DGUOK: variants seen among roughly 807,000 people sequenced by gnomAD.
DGUOK encodes deoxyguanosine kinase, also known as deoxyguanosine kinase, mitochondrial.
In DGUOK, 30 loss-of-function variants were observed where a neutral mutation model predicts 36.6. The observed-to-expected ratio is 0.82, with a 90% confidence interval of 0.61 to 1.11. DGUOK has a LOEUF of 1.11. DGUOK is among the 50% of genes most tolerant of loss of function. The probability of loss-of-function intolerance (pLI) is 0.00; values close to 1 mark genes in which losing one functional copy is unlikely to be tolerated. For missense variants in DGUOK, 361 were observed against 336.4 expected (o/e 1.07, Z -0.57); for synonymous variants, 145 against 126.3 (o/e 1.15, Z -0.99).
chr2:73,950,527 C>T (rs1682630917), intron 3 of DGUOK, 58 bp from the exon 4 acceptor site: 3 of 1,576,070 alleles, frequency 1.9e-6, no homozygotes, highest in Non-Finnish European at 1.7e-6. Flanking sequence ...CTCTCTCGTG[C>T]CTTTCATTCC....
chr2:73,954,944 A>AT (rs973656945), intron 4 of DGUOK, among the ~76,000 whole-genome samples: 22 of 152,280 alleles, frequency 1.4e-4, no homozygotes, highest in Non-Finnish European at 1.3e-4. Context: ...TTTGCACGGG[A>AT]TTTTTTTAAA....
In DGUOK at chr2:73,927,020, G is replaced by A; in HGVS notation, c.110G>A (p.Gly37Glu). ...SSSRGLHAGR[G>E]PRRLSIEGNI... ...TCCAGAGGCCTGCACGCGGGGCGCG[G>A]GCCCCGAAGGCTCTCCATCGAAGGC... Residue 37 changes from glycine to glutamate, a missense_variant, in exon 1 of 7, where the codon GGG becomes GAG. Gly to Glu is a moderately conservative substitution (Grantham distance 98, BLOSUM62 -2). Transcript: ENST00000264093. 6.2e-7 allele frequency: 1 copy of A among 1,610,622 alleles called. No homozygotes were observed.
At chr2:73,953,863 C>T (rs953759780) in intron 4 of DGUOK, among the ~76,000 whole-genome samples, 5 of 151,746 alleles carry the variant, frequency 3.3e-5, no homozygotes, top group African/African-American at 1.2e-4. Context: ...GGACTACAGG[C>T]ACCCGCCACC....
rs186830988 is a variant in DGUOK, at chr2:73,927,858, A to T, written c.142+806A>T. On this transcript the variant is annotated intron_variant, in intron 1 of 6. Transcript: ENST00000264093. ...ACTGAGCCCCTAAAAGGGGCTTAGC[A>T]AGTGTTGAGTACTGAAGACGTAGCA... Among the ~76,000 whole-genome samples, 11 of 152,334 alleles carry T rather than the reference A, an allele frequency of 7.2e-5. No individual in the cohort carries two copies. The East Asian group carries it at 1.2e-3, about 16-fold the overall frequency.
rs190470917 is a variant in DGUOK, at chr2:73,954,248, G to A, written c.592-2877G>A. Among the ~76,000 whole-genome samples the A allele has an allele frequency of 2.0e-5, 3 of 152,288 alleles. No individual in the cohort carries two copies. The East Asian group carries it at 5.8e-4, about 30-fold the overall frequency. Reference sequence around the variant, plus strand: ...ATTCCCAGCTACTCAGCAGGCTGAGGTGGGATATCACTTGAGCCTGGGAGA... The same window carrying A: ...ATTCCCAGCTACTCAGCAGGCTGAGATGGGATATCACTTGAGCCTGGGAGA... On this transcript the variant is annotated intron_variant, in intron 4 of 6. Transcript: ENST00000264093.
rs2104944559 is a variant in DGUOK, at chr2:73,946,782, T to C, written c.319T>C (p.Ser107Pro). ...DMMYREPARW[S>P]YTFQTFSFLS... is the part of the protein sequence containing the mutation. Reference sequence around the variant, plus strand: ...GATGTACCGGGAGCCAGCACGATGGTCCTACACATTCCAGACATTTTCCTT... The same window carrying C: ...GATGTACCGGGAGCCAGCACGATGGCCCTACACATTCCAGACATTTTCCTT... Residue 107 changes from serine (S) to proline (P), a missense_variant, in exon 3 of 7, where the codon TCC (serine) becomes CCC (proline). Physicochemically the swap from Ser to Pro is moderately conservative, Grantham distance 74 (BLOSUM62 -1). Transcript: ENST00000264093. 3 of 1,614,112 alleles carry C rather than the reference T, an allele frequency of 1.9e-6. No individual in the cohort carries two copies. The highest frequency in any genetic ancestry group is 2.5e-6 in the Non-Finnish European group (3 of 1,180,024).
At chr2:73,932,728 T>C in intron 1 of DGUOK, 1 of 1,071,308 alleles carries the variant, frequency 9.3e-7, no homozygotes, top group Non-Finnish European at 1.2e-6. Flanking sequence ...CTCTAAGTCC[T>C]ATTATTCTGA....
At chr2:73,931,009 G>T (rs920365726) in intron 1 of DGUOK, among the ~76,000 whole-genome samples, 1 of 151,870 alleles carries the variant, frequency 6.6e-6, no homozygotes, top group Non-Finnish European at 1.5e-5. Context: ...TGTTAGCCAG[G>T]ATGGTCTCAA....
At chr2:73,929,608 A>G (rs145701310) in intron 1 of DGUOK, among the ~76,000 whole-genome samples, 2 of 152,338 alleles carry the variant, frequency 1.3e-5, no homozygotes, top group Non-Finnish European at 1.5e-5. Context: ...GGAAGGAATA[A>G]GCAGAGACTG....
chr2:73,938,146 C>T (rs1014723030), intron 1 of DGUOK, among the ~76,000 whole-genome samples: 2 of 152,180 alleles, frequency 1.3e-5, no homozygotes, highest in Non-Finnish European at 2.9e-5. Context: ...TACTGTATGG[C>T]TTCTTCTAGG....
intron 2 of DGUOK, among the ~76,000 whole-genome samples, chr2:73,942,011 C>T (rs973066911): frequency 9.2e-5 from 14 of 151,548 alleles, no homozygotes; most frequent in Middle Eastern, 3.2e-3. Context: ...CGAGTTCAAG[C>T]AGTTCTCCCT....
chr2:73,928,547 G>C (rs1680781399), intron 1 of DGUOK, among the ~76,000 whole-genome samples: 1 of 152,240 alleles, frequency 6.6e-6, no homozygotes, highest in African/African-American at 2.4e-5. Flanking sequence ...TCTAGGCAGA[G>C]TGAAGAGCAA....
At position 73,957,170 on chromosome 2, in the gene DGUOK, G is replaced by T; in HGVS notation, c.637G>T (p.Gly213Ter). Reference protein sequence around the residue: ...LYQRAREEEKGIELAYLEQLH... With the variant: ...LYQRAREEEK ...CCAGAGGGCCAGGGAGGAGGAGAAA[G>T]GAATTGAGCTGGCCTATCTAGAGCA... Residue 213 changes from glycine (G) to a stop codon, truncating the protein, a stop_gained, in exon 5 of 7, where the codon GGA (glycine) becomes TGA (stop). Transcript: ENST00000264093. LOFTEE classifies it high-confidence loss of function. 1 of 1,614,182 alleles carries T rather than the reference G, an allele frequency of 6.2e-7. No homozygotes were observed. Among genetic ancestry groups the T allele is most frequent in the Non-Finnish European group, 8.5e-7 (1 of 1,180,026 alleles).
rs144907403 is a variant in DGUOK, at chr2:73,938,943, C to T, written c.176C>T (p.Thr59Met). The T allele has an allele frequency of 2.9e-5, 46 of 1,613,952 alleles. No homozygotes were observed. Among genetic ancestry groups the T allele is most frequent in the South Asian group, 5.5e-5 (5 of 91,080 alleles). Residue 59 changes from threonine to methionine, a missense_variant, in exon 2 of 7, where the codon ACG becomes ATG. Coordinates refer to ENST00000264093, the MANE Select transcript of DGUOK (RefSeq NM_080916.3). ...VGKSTFVKLL[T>M]KTYPEWHVAT... The stretch of plus-strand genomic sequence containing the variant: ...AAGTCCACGTTTGTGAAGTTACTCA[C>T]GAAAACTTACCCAGAATGGCACGTA...
At chr2:73,941,487 A>C (rs1681899347) in intron 2 of DGUOK, among the ~76,000 whole-genome samples, 1 of 152,230 alleles carries the variant, frequency 6.6e-6, no homozygotes, top group Non-Finnish European at 1.5e-5. Flanking sequence ...ATTTACATAT[A>C]CTTACATAAA....
At chr2:73,952,704 G>A (rs1250387058) in intron 4 of DGUOK, among the ~76,000 whole-genome samples, 1 of 152,192 alleles carries the variant, frequency 6.6e-6, no homozygotes, top group Non-Finnish European at 1.5e-5. Flanking sequence ...CATTGGGGAG[G>A]AGTGAGAGAG....
rs777456348 is a variant in DGUOK, at chr2:73,938,995, GAAT to G, written c.230_232del (p.Asn77del). 6.2e-6 allele frequency: 10 copies of G among 1,613,988 alleles called. No homozygotes were observed. Among genetic ancestry groups the G allele is most frequent in the Non-Finnish European group, 8.5e-6 (10 of 1,179,876 alleles). The stretch of plus-strand genomic sequence containing the variant: ...CTACAGAACCTGTAGCAACATGGCA[GAAT>G]ATCCAGGCTGCTGGCACCCAAAAAG... On this transcript the variant is annotated inframe_deletion, in exon 2 of 7. Coordinates refer to ENST00000264093, the MANE Select transcript of DGUOK (RefSeq NM_080916.3).
In DGUOK at chr2:73,950,860, G is replaced by T; in HGVS notation, c.591+128G>T. 2.4e-6 allele frequency: 3 copies of T among 1,267,962 alleles called. No individual in the cohort carries two copies. In the South Asian group the frequency reaches 3.6e-5, roughly 15 times the overall value. 78.5% of individuals were successfully genotyped at this position (1,267,962 alleles called of 1,614,324 possible). On this transcript the variant is annotated intron_variant, in intron 4 of 6. Transcript: ENST00000264093. ...CATTACCTGCAGCACAGAGAGCAGT[G>T]GGGGACACCCTCCTGTCCCAGCGTT...
At chr2:73,948,352 TC>T (rs1475824181) in intron 3 of DGUOK, among the ~76,000 whole-genome samples, 1 of 152,236 alleles carries the variant, frequency 6.6e-6, no homozygotes, top group Admixed American at 6.5e-5. Context: ...GCTGCATGGA[TC>T]TTAACCTTTG....
Sources: allele counts gnomAD v4.1 joint callset (sites outside exome capture counted in the v4.1 genomes callset), GRCh38; gene constraint gnomAD v4.1.1; transcripts MANE v1.5; gene names NCBI Gene and HGNC (gene_info 2026-07-23, HGNC 2026-07-21).